LMO1: variants seen among roughly 807,000 people sequenced by gnomAD.
LMO1 encodes LIM domain only 1, also known as rhombotin-1.
Under a neutral mutation model 18.0 loss-of-function variants are expected in LMO1, and 10 were observed. That is an observed-to-expected ratio of 0.55 (90% CI 0.34 to 0.94). LMO1 has a LOEUF of 0.94. Among genes scored for constraint, LMO1 ranks in the 40% least tolerant of loss-of-function variants. LMO1 has a pLI of 0.02. For missense variants in LMO1, 183 were observed against 205.7 expected (o/e 0.89, Z 0.68); for synonymous variants, 77 against 77.9 (o/e 0.99, Z 0.06).
At chr11:8,255,540 C>G (rs958734509) in intron 1 of LMO1, among the ~76,000 whole-genome samples, 1 of 152,110 alleles carries the variant, frequency 6.6e-6, no homozygotes, top group Non-Finnish European at 1.5e-5. Flanking sequence ...CCTTCCGGAC[C>G]GGTCTCTGCC....
chr11:8,246,564 G>A (rs995503207), intron 1 of LMO1, among the ~76,000 whole-genome samples: 14 of 152,196 alleles, frequency 9.2e-5, no homozygotes, highest in Non-Finnish European at 1.9e-4. Context: ...ATGGGCTGAA[G>A]GTTCTTTTTG....
At chr11:8,236,373 AT>A (rs773704821) in intron 1 of LMO1, among the ~76,000 whole-genome samples, 5,557 of 143,890 alleles carry the variant, frequency 0.039, 145 homozygotes, top group African/African-American at 0.066. Context: ...GGGGGGAGGA[AT>A]TTTTTTTTTT....
intron 2 of LMO1, among the ~76,000 whole-genome samples, chr11:8,227,853 G>C (rs1952575599): frequency 6.6e-6 from 1 of 152,174 alleles, no homozygotes; most frequent in Non-Finnish European, 1.5e-5. Flanking sequence ...TTTAAAAATA[G>C]AGATGGGGTC....
At chr11:8,242,821 G>A (rs1201772571) in intron 1 of LMO1, among the ~76,000 whole-genome samples, 2 of 152,242 alleles carry the variant, frequency 1.3e-5, no homozygotes, top group Non-Finnish European at 2.9e-5. Flanking sequence ...GTGAGCACCA[G>A]CGCGCTGAAC....
rs1000101161 is a variant in LMO1, at chr11:8,246,254, G to A, written c.26-15750C>T. Among the ~76,000 whole-genome samples, 5 of 152,108 alleles carry A rather than the reference G, an allele frequency of 3.3e-5. No individual in the cohort carries two copies. The South Asian group carries it at 8.3e-4, about 25-fold the overall frequency. ...AATTTGTACATGAACGTTCCTAGCA[G>A]CATTACTCACAACAGCCAAAAAACA... On this transcript the variant is annotated intron_variant, in intron 1 of 3. Transcript: ENST00000335790.
At chr11:8,241,849 A>G (rs1846800853) in intron 1 of LMO1, among the ~76,000 whole-genome samples, 1 of 151,970 alleles carries the variant, frequency 6.6e-6, no homozygotes, top group Non-Finnish European at 1.5e-5. Context: ...CAAAAGCCCC[A>G]TGAAGGCTGT....
intron 1 of LMO1, among the ~76,000 whole-genome samples, chr11:8,253,339 G>C (rs1195090606): frequency 6.6e-6 from 1 of 152,208 alleles, no homozygotes; most frequent in Non-Finnish European, 1.5e-5. Context: ...GGAGGACAGA[G>C]AAATGGCACC....
upstream of LMO1, among the ~76,000 whole-genome samples, chr11:8,267,486 C>T (rs1014814216): frequency 8.5e-5 from 13 of 152,170 alleles, no homozygotes; most frequent in Admixed American, 2.0e-4. Context: ...CCTTCAGGCA[C>T]TAAGGGATTG....
At chr11:8,249,562 C>T (rs1437328232) in intron 1 of LMO1, among the ~76,000 whole-genome samples, 1 of 152,230 alleles carries the variant, frequency 6.6e-6, no homozygotes, top group East Asian at 1.9e-4. Flanking sequence ...ATACCCCGAA[C>T]CTCAGCATCA....
chr11:8,246,761 C>T (rs1024711848), intron 1 of LMO1, among the ~76,000 whole-genome samples: 1 of 151,890 alleles, frequency 6.6e-6, no homozygotes, highest in South Asian at 2.1e-4. Flanking sequence ...ACAGGAGAAA[C>T]CAGTTCATAA....
intron 1 of LMO1, among the ~76,000 whole-genome samples, chr11:8,238,577 A>T (rs1177456630): frequency 6.7e-6 from 1 of 148,850 alleles, no homozygotes. Context: ...AGGCTGAGGC[A>T]GGAGAATGGC....
intron 1 of LMO1, among the ~76,000 whole-genome samples, chr11:8,242,964 C>T (rs1004610082): frequency 1.1e-4 from 17 of 152,200 alleles, no homozygotes; most frequent in African/African-American, 1.2e-4. Context: ...GGGACCCTCC[C>T]GGCAAGCTGG....
At position 8,224,565 on chromosome 11, in the gene LMO1, G is replaced by A. The variant is rs1037394244; in HGVS notation, c.*51C>T. 1.2e-5 allele frequency: 14 copies of A among 1,188,578 alleles called. No homozygotes were observed. The African/African-American group carries it at 1.8e-4, about 16-fold the overall frequency. 73.6% of individuals were successfully genotyped at this position (1,188,578 alleles called of 1,614,324 possible). ...AGTGGCTGGCTGGCCGGCCAGGCAGGTGGGCAGGCGGGCAGATGGACAGAC... is the reference window on the plus strand; with the variant it reads ...AGTGGCTGGCTGGCCGGCCAGGCAGATGGGCAGGCGGGCAGATGGACAGAC... On this transcript the variant is annotated 3_prime_UTR_variant, in exon 4 of 4. Transcript: ENST00000335790.
At chr11:8,256,257 G>A (rs1204837569) in intron 1 of LMO1, among the ~76,000 whole-genome samples, 2 of 152,216 alleles carry the variant, frequency 1.3e-5, no homozygotes, top group African/African-American at 2.4e-5. Context: ...ATACAAGCAT[G>A]AAACTTTCTG....
At chr11:8,258,366 C>G (rs1234323039) in intron 1 of LMO1, among the ~76,000 whole-genome samples, 1 of 152,198 alleles carries the variant, frequency 6.6e-6, no homozygotes, top group East Asian at 1.9e-4. Flanking sequence ...CAACGTGGCT[C>G]AAGGCACTCA....
At chr11:8,251,977 CGTGTGTGGGGGTGTGCGTGT>C (rs1565185803) in intron 1 of LMO1, among the ~76,000 whole-genome samples, 1 of 93,044 alleles carries the variant, frequency 1.1e-5, no homozygotes, top group African/African-American at 4.1e-5. Flanking sequence ...TGGGGGTGTG[CGTGTGTGGGGGTGTGCGTGT>C]GTGTGTGTGA....
chr11:8,268,318 T>A, upstream of LMO1: 1 of 945,392 alleles, frequency 1.1e-6, no homozygotes, highest in Non-Finnish European at 1.5e-6. Context: ...CCGCGGGTGC[T>A]GAGGGCTCTG....
At chr11:8,251,306 C>T (rs1359631814) in intron 1 of LMO1, among the ~76,000 whole-genome samples, 1 of 152,188 alleles carries the variant, frequency 6.6e-6, no homozygotes, top group East Asian at 1.9e-4. Context: ...GGCTCCCAGC[C>T]CCGTGCTCAC....
At chr11:8,234,717 C>G (rs204923) in intron 1 of LMO1, among the ~76,000 whole-genome samples, 152,154 of 152,286 alleles carry the variant, frequency 1, 76,012 homozygotes, top group Non-Finnish European at 1. Context: ...AAGCCAGTGT[C>G]TCCTGCTTGG....
Sources: gnomAD v4.1 joint callset for allele counts (sites outside exome capture counted in the v4.1 genomes callset) on GRCh38, gnomAD v4.1.1 for gene constraint, MANE v1.5 for transcripts, NCBI Gene and HGNC (gene_info 2026-07-23, HGNC 2026-07-21) for gene names.